Variants in HPCAL1 observed in about 807,000 individuals in gnomAD.
HPCAL1 encodes the protein hippocalcin like 1.
A neutral mutation model predicts 17.1 loss-of-function variants in HPCAL1; 8 were observed. That is an observed-to-expected ratio of 0.47 (90% CI 0.27 to 0.84). The LOEUF (loss-of-function observed/expected upper bound fraction) is 0.84. Among genes scored for constraint, HPCAL1 ranks in the 40% least tolerant of loss-of-function variants. HPCAL1 has a pLI of 0.13. For synonymous variants in HPCAL1, 112 were observed against 111.4 expected, an observed-to-expected ratio of 1.01 and a Z score of -0.03; for missense variants, 165 against 271.1, an observed-to-expected ratio of 0.61 and a Z score of 2.75.
rs1558457200 is a variant in HPCAL1 at position 10,323,604 on chromosome 2, G to T, written c.-111+20427G>T. 6.6e-6 allele frequency among the ~76,000 whole-genome samples: 1 copy of T among 152,180 alleles called. No homozygotes were observed. Among genetic ancestry groups the T allele is most frequent in the Non-Finnish European group, 1.5e-5 (1 of 68,036 alleles). ...GCCCCATCTCTCACAGCCCAGTGGT[G>T]TACTACCTTAGGTAAGCACCAGTTG... On this transcript the variant is annotated intron_variant, in intron 1 of 4. Transcript: ENST00000307845. This position sits in a 1 kb window ranked among gnomAD's most constrained non-coding sequence, Gnocchi z 4.6.
At chr2:10,305,971 C>G (rs1418356174) in intron 1 of HPCAL1, among the ~76,000 whole-genome samples, 1 of 152,226 alleles carries the variant, frequency 6.6e-6, no homozygotes, top group African/African-American at 2.4e-5. Flanking sequence ...AGGTCTGCAG[C>G]GCGGGTACAG....
At chr2:10,364,641 G>A (rs1008545005) in intron 1 of HPCAL1, among the ~76,000 whole-genome samples, 1 of 151,772 alleles carries the variant, frequency 6.6e-6, no homozygotes, top group Admixed American at 6.6e-5. Context: ...CTGGAGTGCG[G>A]TGGTGCGATC....
intron 1 of HPCAL1, among the ~76,000 whole-genome samples, chr2:10,348,969 C>G (rs1269077192): frequency 6.6e-6 from 1 of 152,230 alleles, no homozygotes; most frequent in Non-Finnish European, 1.5e-5. Flanking sequence ...CATTCAGCAT[C>G]TATTTCAGCG....
intron 1 of HPCAL1, among the ~76,000 whole-genome samples, chr2:10,360,499 C>A (rs1329651866): frequency 2.0e-5 from 3 of 152,046 alleles, no homozygotes; most frequent in African/African-American, 7.2e-5. Context: ...GTAACCTCTG[C>A]CTTACGGGTT....
At chr2:10,347,130 G>A (rs918093852) in intron 1 of HPCAL1, among the ~76,000 whole-genome samples, 1 of 152,108 alleles carries the variant, frequency 6.6e-6, no homozygotes, top group African/African-American at 2.4e-5. Flanking sequence ...AGGTGCTGGA[G>A]TTCAGCCTGA....
At chr2:10,388,988 A>G (rs1418557474) in intron 1 of HPCAL1, among the ~76,000 whole-genome samples, 1 of 152,158 alleles carries the variant, frequency 6.6e-6, no homozygotes, top group Non-Finnish European at 1.5e-5. Context: ...AGGCAAGTAT[A>G]TAATGAGAAG....
At chr2:10,356,562 G>A (rs1284979206) in intron 1 of HPCAL1, among the ~76,000 whole-genome samples, 1 of 152,174 alleles carries the variant, frequency 6.6e-6, no homozygotes, top group African/African-American at 2.4e-5. Flanking sequence ...CTGAGGCACG[G>A]GAAGATTAAG....
At chr2:10,303,630 G>C (rs62128555) in intron 1 of HPCAL1, 114,247 of 151,142 alleles carry the variant, frequency 0.76, 43,208 homozygotes, top group Middle Eastern at 0.85. Flanking sequence ...GACGGGCAAG[G>C]GCGGGCCTCG....
intron 1 of HPCAL1, among the ~76,000 whole-genome samples, chr2:10,307,538 C>G (rs1220239038): frequency 6.6e-6 from 1 of 152,224 alleles, no homozygotes; most frequent in Non-Finnish European, 1.5e-5. Flanking sequence ...TGTTCCACAT[C>G]AAAACAGAGC....
intron 1 of HPCAL1, among the ~76,000 whole-genome samples, chr2:10,372,664 C>A (rs1308720453): frequency 6.6e-6 from 1 of 152,232 alleles, no homozygotes; most frequent in Non-Finnish European, 1.5e-5. Flanking sequence ...TTCCTCCCTG[C>A]CTGCCCGGAG....
At chr2:10,426,473 C>T in intron 4 of HPCAL1, 1 of 487,500 alleles carries the variant, frequency 2.1e-6, no homozygotes, top group East Asian at 3.7e-5. Context: ...CCCTCATCAG[C>T]CACGTCCTGC....
chr2:10,350,924 C>T (rs553342316), intron 1 of HPCAL1, among the ~76,000 whole-genome samples: 5 of 152,100 alleles, frequency 3.3e-5, no homozygotes, highest in South Asian at 4.1e-4. Context: ...TAAACTCCAG[C>T]GGAGATGAGG....
At chr2:10,356,684 G>A (rs1051141163) in intron 1 of HPCAL1, among the ~76,000 whole-genome samples, 6 of 152,100 alleles carry the variant, frequency 3.9e-5, no homozygotes, top group Non-Finnish European at 5.9e-5. Context: ...AGGAAATCAC[G>A]TCCCCCAGTG....
rs189885955 is a variant in HPCAL1 at position 10,327,644 on chromosome 2, C to G, written c.-111+24467C>G. Among the ~76,000 whole-genome samples, 60 of 151,500 alleles carry G rather than the reference C, an allele frequency of 4.0e-4. No individual in the cohort carries two copies. The East Asian group carries it at 0.01, about 26-fold the overall frequency. ...ATTTTGTTAACATGGGGATCAATGGCTTTTTTTTTCTGATTTGGTATTTAT... is the reference window on the plus strand; with the variant it reads ...ATTTTGTTAACATGGGGATCAATGGGTTTTTTTTTCTGATTTGGTATTTAT... On this transcript the variant is annotated intron_variant, in intron 1 of 4. Coordinates refer to ENST00000307845, the MANE Select transcript of HPCAL1 (RefSeq NM_002149.4).
chr2:10,366,655 A>G (rs547109412), intron 1 of HPCAL1, among the ~76,000 whole-genome samples: 3 of 152,182 alleles, frequency 2.0e-5, no homozygotes, highest in Non-Finnish European at 2.9e-5. Flanking sequence ...AGTGCTGGCC[A>G]TGATCCGACT....
Position 10,384,656 on chromosome 2 carries a change from C to A in HPCAL1, c.-110-12179C>A, listed in dbSNP as rs1668194084. Among the ~76,000 whole-genome samples the A allele has an allele frequency of 6.6e-6, 1 of 152,088 alleles. No individual in the cohort carries two copies. The highest frequency in any genetic ancestry group is 2.4e-5 in the African/African-American group (1 of 41,418). ...TCAGGGGCTTCCCTAGGGAGGGACC[C>A]TGAGCTGGGGTCTGAAGGAAGAGCA... On this transcript the variant is annotated intron_variant, in intron 1 of 4. Transcript: ENST00000307845. The surrounding 1 kb of genome is among the most constrained non-coding windows in gnomAD (Gnocchi z 4.4).
At position 10,306,225 on chromosome 2, in the gene HPCAL1, G is replaced by A. The variant is rs568081718; in HGVS notation, c.-111+3048G>A. On this transcript the variant is annotated intron_variant, in intron 1 of 4. Coordinates refer to ENST00000307845, the MANE Select transcript of HPCAL1 (RefSeq NM_002149.4). The stretch of plus-strand genomic sequence containing the variant: ...TTTGCATTCCAGCAAGCCCTAAACC[G>A]TGCTTGTTCATTGTGGGATAATGCG... Among the ~76,000 whole-genome samples the A allele has an allele frequency of 7.9e-5, 12 of 152,236 alleles. No individual in the cohort carries two copies. The South Asian group carries it at 2.1e-3, about 26-fold the overall frequency.
rs144392087 is a variant in HPCAL1 at position 10,416,251 on chromosome 2, G to A, written c.-24-3483G>A. Among the ~76,000 whole-genome samples the A allele has an allele frequency of 3.7e-4, 56 of 152,328 alleles. No individual in the cohort carries two copies. In the East Asian group the frequency reaches 8.3e-3, roughly 23 times the overall value. ...TAGGACTTCAACATCTTTTAGGCGG[G>A]CCATGATTCAACCCATGCATCTGGG... On this transcript the variant is annotated intron_variant, in intron 2 of 4. Transcript: ENST00000307845.
intron 1 of HPCAL1, among the ~76,000 whole-genome samples, chr2:10,339,640 C>T (rs972293729): frequency 6.6e-6 from 1 of 152,200 alleles, no homozygotes; most frequent in Non-Finnish European, 1.5e-5. Flanking sequence ...TGAGCCACCG[C>T]GCCCAGCCAT....
Sources: allele counts gnomAD v4.1 joint callset (sites outside exome capture counted in the v4.1 genomes callset), GRCh38; gene constraint gnomAD v4.1.1; non-coding constraint Gnocchi (gnomAD v3.1); transcripts MANE v1.5; gene names NCBI Gene and HGNC (gene_info 2026-07-23, HGNC 2026-07-21).